The following ADAMTSL1 variants were observed in gnomAD, a reference collection of about 807,000 sequenced individuals.
ADAMTSL1 encodes ADAMTS-like protein 1.
Under a neutral mutation model 201.8 loss-of-function variants are expected in ADAMTSL1, and 126 were observed. That is an observed-to-expected ratio of 0.62 (90% CI 0.54 to 0.72). The LOEUF is 0.72. Ranked by LOEUF, ADAMTSL1 falls within the 30% of genes least tolerant of loss-of-function variation. ADAMTSL1 has a pLI of 0.00. For synonymous variants in ADAMTSL1, 1,121 were observed against 903.4 expected (o/e 1.24, Z -4.32); for missense variants, 2,679 against 2,277.8 (o/e 1.18, Z -3.59).
At chr9:17,962,573 A>G (rs2131402410) in intron 1 of ADAMTSL1, among the ~76,000 whole-genome samples, 1 of 152,260 alleles carries the variant, frequency 6.6e-6, no homozygotes, top group East Asian at 1.9e-4. Flanking sequence ...CATGGTTGTG[A>G]TTGTGTCACT....
At chr9:18,033,247 A>G (rs1415038082) in intron 1 of ADAMTSL1, among the ~76,000 whole-genome samples, 1 of 152,220 alleles carries the variant, frequency 6.6e-6, no homozygotes, top group Non-Finnish European at 1.5e-5. Context: ...AGAAATGACT[A>G]AAATGTTCTT....
intron 1 of ADAMTSL1, among the ~76,000 whole-genome samples, chr9:18,031,709 A>G (rs1436341183): frequency 6.6e-6 from 1 of 152,020 alleles, no homozygotes; most frequent in Non-Finnish European, 1.5e-5. Flanking sequence ...TTGTTCCTGC[A>G]TTTCCTTAGT....
chr9:18,045,544 C>A (rs1035081304), intron 1 of ADAMTSL1, among the ~76,000 whole-genome samples: 6 of 152,030 alleles, frequency 3.9e-5, no homozygotes, highest in African/African-American at 1.4e-4. Flanking sequence ...TCAATGAATG[C>A]TTATTAAATT....
chr9:18,843,213 CT>C (rs1263817915), intron 23 of ADAMTSL1, among the ~76,000 whole-genome samples: 1 of 150,706 alleles, frequency 6.6e-6, no homozygotes, highest in African/African-American at 2.5e-5. Flanking sequence ...TTCAGGAGCT[CT>C]TTTAGGGCAG....
At chr9:17,923,217 T>C (rs1191119041) in intron 1 of ADAMTSL1, among the ~76,000 whole-genome samples, 2 of 151,132 alleles carry the variant, frequency 1.3e-5, no homozygotes, top group African/African-American at 2.4e-5. Flanking sequence ...ATTGAATCTG[T>C]AAATTACCTT....
At chr9:18,812,181 A>G (rs1823545724) in intron 20 of ADAMTSL1, among the ~76,000 whole-genome samples, 1 of 152,232 alleles carries the variant, frequency 6.6e-6, no homozygotes, top group Non-Finnish European at 1.5e-5. Context: ...AGAATTAGTT[A>G]TATAGCTACA....
chr9:18,038,634 CAT>C (rs1341671444), intron 1 of ADAMTSL1, among the ~76,000 whole-genome samples: 5 of 152,174 alleles, frequency 3.3e-5, no homozygotes, highest in African/African-American at 1.2e-4. Context: ...GATGAACTAG[CAT>C]TACCTAAGGG....
At chr9:18,101,185 A>G (rs76452867) in intron 1 of ADAMTSL1, among the ~76,000 whole-genome samples, 10,802 of 152,234 alleles carry the variant, frequency 0.071, 555 homozygotes, top group African/African-American at 0.14. Flanking sequence ...TAAATGAAAT[A>G]CAGATGAATG....
intron 1 of ADAMTSL1, among the ~76,000 whole-genome samples, chr9:18,098,983 A>T (rs1221139305): frequency 6.6e-6 from 1 of 151,980 alleles, no homozygotes; most frequent in African/African-American, 2.4e-5. Flanking sequence ...TTAATATCTG[A>T]AGATAGTTGC....
At chr9:18,332,564 C>G (rs1017438339) in intron 2 of ADAMTSL1, among the ~76,000 whole-genome samples, 1 of 152,164 alleles carries the variant, frequency 6.6e-6, no homozygotes, top group African/African-American at 2.4e-5. Flanking sequence ...AATCCTCCTG[C>G]CTCAGCCTCC....
intron 20 of ADAMTSL1, among the ~76,000 whole-genome samples, chr9:18,803,931 G>T (rs1015284560): frequency 9.2e-5 from 14 of 152,124 alleles, no homozygotes; most frequent in African/African-American, 3.4e-4. Flanking sequence ...TTGGATGGAA[G>T]GGGAACAATT....
At chr9:18,154,617 T>A in intron 1 of ADAMTSL1, among the ~76,000 whole-genome samples, 1 of 152,060 alleles carries the variant, frequency 6.6e-6, no homozygotes, top group East Asian at 1.9e-4. Flanking sequence ...TATAAACAAA[T>A]GACAAAAGAG....
At chr9:18,596,044 C>T (rs1824242671) in intron 4 of ADAMTSL1, among the ~76,000 whole-genome samples, 1 of 152,130 alleles carries the variant, frequency 6.6e-6, no homozygotes, top group Non-Finnish European at 1.5e-5. Context: ...TCCTATTCTG[C>T]TATCTTGGTG....
chr9:18,057,349 G>C (rs561364237), intron 1 of ADAMTSL1, among the ~76,000 whole-genome samples: 3 of 152,178 alleles, frequency 2.0e-5, no homozygotes, highest in Non-Finnish European at 4.4e-5. Flanking sequence ...ATTGGCTATG[G>C]GATGCTAAAG....
intron 1 of ADAMTSL1, among the ~76,000 whole-genome samples, chr9:17,978,692 GT>G (rs1455884632): frequency 2.0e-5 from 3 of 151,954 alleles, no homozygotes; most frequent in Non-Finnish European, 2.9e-5. Context: ...TTATATCAGA[GT>G]TAAAAATGAC....
chr9:18,560,219 G>A (rs1821397490), intron 3 of ADAMTSL1, among the ~76,000 whole-genome samples: 1 of 152,154 alleles, frequency 6.6e-6, no homozygotes, highest in African/African-American at 2.4e-5. Context: ...TTAGCATGAA[G>A]GGGTGTTGAA....
chr9:17,951,899 C>G (rs780655896), intron 1 of ADAMTSL1, among the ~76,000 whole-genome samples: 7 of 152,002 alleles, frequency 4.6e-5, no homozygotes, highest in Non-Finnish European at 1.0e-4. Flanking sequence ...CTCACTGCAG[C>G]CTCATGTTCT....
chr9:18,694,146 G>A (rs1208574526), intron 13 of ADAMTSL1, among the ~76,000 whole-genome samples: 3 of 152,096 alleles, frequency 2.0e-5, no homozygotes, highest in Admixed American at 2.0e-4. Context: ...AGAACAGCAA[G>A]GGAGAAATCT....
At chr9:18,572,924 T>C (rs1191566981) in intron 3 of ADAMTSL1, among the ~76,000 whole-genome samples, 1 of 152,146 alleles carries the variant, frequency 6.6e-6, no homozygotes, top group Non-Finnish European at 1.5e-5. Flanking sequence ...CCATGGTAAA[T>C]TTTAATCTGA....
Sources: gnomAD v4.1 joint callset for allele counts (sites outside exome capture counted in the v4.1 genomes callset) on GRCh38, gnomAD v4.1.1 for gene constraint, MANE v1.5 for transcripts, NCBI Gene and HGNC (gene_info 2026-07-23, HGNC 2026-07-21) for gene names.